C8orf34: variants seen among roughly 807,000 people sequenced by gnomAD.
The protein encoded by C8orf34 is uncharacterized protein C8orf34.
C8orf34 carries 65 observed loss-of-function variants against 68.3 expected under a neutral mutation model. The observed-to-expected ratio is 0.95, with a 90% CI of 0.78 to 1.17. C8orf34 has a LOEUF of 1.17. C8orf34 is among the 50% of genes most tolerant of loss of function. The pLI is 0.00. For synonymous variants in C8orf34, 244 were observed against 241.2 expected (o/e 1.01, Z -0.11); for missense variants, 664 against 655.4 (o/e 1.01, Z -0.14).
At chr8:68,509,329 A>G (rs950288842) in intron 5 of C8orf34, among the ~76,000 whole-genome samples, 2 of 152,216 alleles carry the variant, frequency 1.3e-5, no homozygotes, top group Non-Finnish European at 2.9e-5. Context: ...CATGTATCAA[A>G]GCAAAACAAG....
rs954578542 is a variant in C8orf34, at chr8:68,374,737, G to A, written c.327+43398G>A. 4.6e-5 allele frequency among the ~76,000 whole-genome samples: 7 copies of A among 152,192 alleles called. No individual in the cohort carries two copies. The East Asian group carries it at 1.4e-3, about 29-fold the overall frequency. On this transcript the variant is annotated intron_variant, in intron 1 of 13. Transcript: ENST00000518698. ...AAACAGTTTAAATAATTGGCCCAAG[G>A]TTGCATCCAAGTACTAAAATTATTA...
chr8:68,772,235 A>G (rs770263001), intron 10 of C8orf34, among the ~76,000 whole-genome samples: 3 of 152,242 alleles, frequency 2.0e-5, no homozygotes, highest in Non-Finnish European at 4.4e-5. Flanking sequence ...GGTCTTAGAC[A>G]GATACTGTTT....
intron 1 of C8orf34, among the ~76,000 whole-genome samples, chr8:68,369,890 A>G (rs1275523284): frequency 1.3e-5 from 2 of 152,170 alleles, no homozygotes; most frequent in Non-Finnish European, 2.9e-5. Flanking sequence ...CTAGAGCAGC[A>G]TGTGCTGAGC....
intron 5 of C8orf34, among the ~76,000 whole-genome samples, chr8:68,510,708 C>T (rs1472904476): frequency 6.6e-6 from 1 of 152,158 alleles, no homozygotes; most frequent in Non-Finnish European, 1.5e-5. Flanking sequence ...TGATTATTTG[C>T]ATAAAGTACA....
Position 68,635,712 on chromosome 8 carries a change from G to T in C8orf34, c.1106-4664G>T, listed in dbSNP as rs1289024842. ...TGCTTTTAACATTTCCAGGAATGGG[G>T]TAATCACATCTCCTACACAGCACTG... On this transcript the variant is annotated intron_variant, in intron 7 of 13. Coordinates refer to ENST00000518698, the MANE Select transcript of C8orf34 (RefSeq NM_052958.4). Among the ~76,000 whole-genome samples the T allele has an allele frequency of 2.7e-4, 41 of 152,122 alleles. 1 individual carries two copies. Among genetic ancestry groups the T allele is most frequent in the Admixed American group, 2.7e-3 (41 of 15,258 alleles).
intron 6 of C8orf34, chr8:68,525,801 G>A: frequency 1.1e-5 from 6 of 542,482 alleles, no homozygotes; most frequent in South Asian, 9.2e-5. Context: ...GTGAGAAACA[G>A]GATGATAACT....
chr8:68,450,774 G>A (rs1811308542), intron 3 of C8orf34, among the ~76,000 whole-genome samples: 1 of 152,098 alleles, frequency 6.6e-6, no homozygotes, highest in East Asian at 1.9e-4. Flanking sequence ...GTAGAGCACA[G>A]ACAGAGTAGA....
At position 68,445,808 on chromosome 8, in the gene C8orf34, C is replaced by G. The variant is rs559167493; in HGVS notation, c.476-521C>G. Reference sequence around the variant, plus strand: ...ATTTCAAATTAATTTCCTGTTTTTTCTTTTTGACAGAGTCTCTATCACTCA... The same window carrying G: ...ATTTCAAATTAATTTCCTGTTTTTTGTTTTTGACAGAGTCTCTATCACTCA... On this transcript the variant is annotated intron_variant, in intron 2 of 13. Coordinates refer to ENST00000518698, the MANE Select transcript of C8orf34 (RefSeq NM_052958.4). Among the ~76,000 whole-genome samples the G allele has an allele frequency of 2.1e-3, 325 of 152,090 alleles. 1 individual carries two copies. The highest frequency in any genetic ancestry group is 7.0e-3 in the African/African-American group (292 of 41,490).
At chr8:68,679,879 T>C (rs1053688540) in intron 8 of C8orf34, among the ~76,000 whole-genome samples, 4 of 152,190 alleles carry the variant, frequency 2.6e-5, no homozygotes, top group Non-Finnish European at 5.9e-5. Flanking sequence ...ATATCTACAT[T>C]CAGAAGAATG....
intron 1 of C8orf34, among the ~76,000 whole-genome samples, chr8:68,388,166 G>C (rs988616276): frequency 6.6e-6 from 1 of 152,044 alleles, no homozygotes; most frequent in African/African-American, 2.4e-5. Flanking sequence ...TCAATTTACC[G>C]TTTACCCACT....
At chr8:68,717,579 G>A (rs1821512814) in intron 9 of C8orf34, among the ~76,000 whole-genome samples, 1 of 151,980 alleles carries the variant, frequency 6.6e-6, no homozygotes, top group East Asian at 1.9e-4. Flanking sequence ...AGGAGCCCAC[G>A]GATATATGAA....
At chr8:68,493,136 G>A (rs1287366299) in intron 5 of C8orf34, among the ~76,000 whole-genome samples, 2 of 152,174 alleles carry the variant, frequency 1.3e-5, no homozygotes, top group Non-Finnish European at 2.9e-5. Flanking sequence ...ATAACCTCCT[G>A]CTGAAAAAGA....
chr8:68,638,040 G>A (rs572369305), intron 7 of C8orf34, among the ~76,000 whole-genome samples: 1 of 152,286 alleles, frequency 6.6e-6, no homozygotes, highest in East Asian at 1.9e-4. Context: ...TTTAGAAAAT[G>A]AGAATGGCTG....
At chr8:68,546,128 T>C (rs1815870403) in intron 7 of C8orf34, among the ~76,000 whole-genome samples, 1 of 152,012 alleles carries the variant, frequency 6.6e-6, no homozygotes, top group South Asian at 2.1e-4. Flanking sequence ...TCACATAGAA[T>C]ACTAAAATAT....
At chr8:68,817,535 G>A (rs1824855975) in intron 13 of C8orf34, among the ~76,000 whole-genome samples, 1 of 152,140 alleles carries the variant, frequency 6.6e-6, no homozygotes, top group African/African-American at 2.4e-5. Context: ...GAGTAAGATG[G>A]AGATTGAAGG....
At chr8:68,431,224 G>A (rs1449441942) in intron 1 of C8orf34, among the ~76,000 whole-genome samples, 1 of 152,108 alleles carries the variant, frequency 6.6e-6, no homozygotes, top group Non-Finnish European at 1.5e-5. Context: ...ATGGTACAGT[G>A]TATCCATCAC....
chr8:68,346,729 T>C (rs1806300636), intron 1 of C8orf34, among the ~76,000 whole-genome samples: 1 of 152,146 alleles, frequency 6.6e-6, no homozygotes. Context: ...TTCTTTCACT[T>C]AGTAACTTGC....
At chr8:68,553,925 A>C (rs1224912780) in intron 7 of C8orf34, among the ~76,000 whole-genome samples, 3 of 152,262 alleles carry the variant, frequency 2.0e-5, no homozygotes, top group Admixed American at 6.5e-5. Context: ...AACTCTTCTG[A>C]GTTTAATAAG....
At chr8:68,719,143 A>G (rs138666532) in intron 9 of C8orf34, among the ~76,000 whole-genome samples, 3 of 152,288 alleles carry the variant, frequency 2.0e-5, no homozygotes, top group Non-Finnish European at 4.4e-5. Flanking sequence ...AGCATTAAAC[A>G]CTAAGGTTTT....
Sources: allele counts gnomAD v4.1 joint callset (sites outside exome capture counted in the v4.1 genomes callset), GRCh38; gene constraint gnomAD v4.1.1; transcripts MANE v1.5; gene names NCBI Gene and HGNC (gene_info 2026-07-23, HGNC 2026-07-21).